Variants in CEP128 observed in about 807,000 individuals in gnomAD.
CEP128 encodes the protein centrosomal protein 128, also known as centrosomal protein 128kDa.
In CEP128, 132 loss-of-function variants were observed where a neutral mutation model predicts 156.7. The ratio of observed to expected loss-of-function variants is 0.84; its 90% CI spans 0.73 to 0.97. The LOEUF (loss-of-function observed/expected upper bound fraction) is 0.97. CEP128 is among the 50% of genes least tolerant of loss of function. CEP128 has a pLI of 0.00. For synonymous variants in CEP128, 469 were observed against 448.9 expected (o/e 1.04, Z -0.57); for missense variants, 1,252 against 1,281.9 (o/e 0.98, Z 0.36).
At chr14:80,821,887 C>T (rs1885206925) in intron 13 of CEP128, among the ~76,000 whole-genome samples, 1 of 152,032 alleles carries the variant, frequency 6.6e-6, no homozygotes. Context: ...ACTTACAGTT[C>T]CACATGGCTG....
chr14:80,732,471 GGTGTGTGTGTGTGTGTGTGTGTGT>G (rs10672093), intron 19 of CEP128, among the ~76,000 whole-genome samples: 57 of 127,726 alleles, frequency 4.5e-4, no homozygotes, highest in African/African-American at 1.6e-3. Context: ...TGATTAAGCA[GGTGTGTGTGTGTGTGTGTGTGTGT>G]GTGTGTGTGT....
chr14:80,479,958 G>A (rs1340527831), intron 14 of CEP128, among the ~76,000 whole-genome samples: 1 of 152,206 alleles, frequency 6.6e-6, no homozygotes, highest in Admixed American at 6.5e-5. Flanking sequence ...TTTGACTCCA[G>A]GTCTCACATC....
intron 13 of CEP128, among the ~76,000 whole-genome samples, chr14:80,810,213 C>T (rs916737719): frequency 1.3e-5 from 2 of 149,504 alleles, no homozygotes; most frequent in African/African-American, 4.9e-5. Context: ...GTCCCAACCA[C>T]TCGGGAGGCT....
chr14:80,753,178 T>C lies in CEP128; in HGVS notation c.2613+3714A>G, dbSNP rs558275823. Among the ~76,000 whole-genome samples, 3 of 152,270 alleles carry C rather than the reference T, an allele frequency of 2.0e-5. No individual in the cohort carries two copies. The South Asian group carries it at 6.2e-4, about 32-fold the overall frequency. ...AATATAATTACTCTTTCAAAAAATA[T>C]TTATTGAACATTTAGCCAGGCATTG... On this transcript the variant is annotated intron_variant, in intron 18 of 24. Coordinates refer to ENST00000555265, the MANE Select transcript of CEP128 (RefSeq NM_152446.5).
chr14:80,514,628 T>C (rs761985633), intron 23 of CEP128: 3 of 353,218 alleles, frequency 8.5e-6, no homozygotes, highest in South Asian at 2.2e-5. Flanking sequence ...ATTCCTTCTC[T>C]GTGTTATCTT....
intron 13 of CEP128, among the ~76,000 whole-genome samples, chr14:80,819,135 GCATGGT>G (rs1292925921): frequency 6.6e-6 from 1 of 151,762 alleles, no homozygotes; most frequent in Non-Finnish European, 1.5e-5. Flanking sequence ...ATACTATCTT[GCATGGT>G]CAGATTCTGG....
intron 17 of CEP128, among the ~76,000 whole-genome samples, chr14:80,757,512 C>T (rs975547686): frequency 6.6e-6 from 1 of 152,328 alleles, no homozygotes; most frequent in African/African-American, 2.4e-5. Flanking sequence ...ACTTCCTTCA[C>T]GCCAACTCAT....
chr14:80,790,173 C>T (rs977456646), intron 14 of CEP128, among the ~76,000 whole-genome samples: 3 of 151,598 alleles, frequency 2.0e-5, no homozygotes, highest in Non-Finnish European at 4.4e-5. Context: ...AAGCAAAAAG[C>T]TCAATACATA....
intron 19 of CEP128, among the ~76,000 whole-genome samples, chr14:80,733,908 TG>T (rs1215411600): frequency 6.6e-6 from 1 of 152,204 alleles, no homozygotes; most frequent in Non-Finnish European, 1.5e-5. Context: ...AAATTCAGTC[TG>T]TTAGAGGACA....
rs142102441 is a variant in CEP128, at chr14:80,510,004, C to T, written c.3073-4984G>A. On this transcript the variant is annotated intron_variant, in intron 23 of 24. Coordinates refer to ENST00000555265, the MANE Select transcript of CEP128 (RefSeq NM_152446.5). ...TATGTGTCTGTTTTTATGCCAGCAA[C>T]ATGCTCTTTTGGTTACTATAGCTCT... Among the ~76,000 whole-genome samples, 1,285 of 152,272 alleles carry T rather than the reference C, an allele frequency of 8.4e-3. 3 individuals are homozygous for T. Among genetic ancestry groups the T allele is most frequent in the Non-Finnish European group, 0.014 (937 of 68,014 alleles).
intron 19 of CEP128, among the ~76,000 whole-genome samples, chr14:80,595,118 T>C (rs185005212): frequency 2.2e-4 from 34 of 152,270 alleles, no homozygotes; most frequent in African/African-American, 7.7e-4. Context: ...ATGTGGCACA[T>C]ACACACATGG....
intron 13 of CEP128, among the ~76,000 whole-genome samples, chr14:80,804,614 A>G (rs550409783): frequency 1.3e-5 from 2 of 152,268 alleles, no homozygotes; most frequent in African/African-American, 4.8e-5. Context: ...TACAAATACC[A>G]CAGTGAGAAA....
At chr14:80,844,500 C>T (rs1886502476) in intron 9 of CEP128, among the ~76,000 whole-genome samples, 1 of 152,054 alleles carries the variant, frequency 6.6e-6, no homozygotes, top group Admixed American at 6.6e-5. Context: ...ATTCAAAAAA[C>T]TTGGTATGAA....
At chr14:80,891,231 A>G (rs1889082659) in intron 8 of CEP128, among the ~76,000 whole-genome samples, 1 of 152,156 alleles carries the variant, frequency 6.6e-6, no homozygotes, top group Non-Finnish European at 1.5e-5. Flanking sequence ...GGAAGTCAGC[A>G]TATTAAAAAT....
chr14:80,695,164 G>T (rs932697843), intron 19 of CEP128, among the ~76,000 whole-genome samples: 4 of 151,438 alleles, frequency 2.6e-5, no homozygotes, highest in African/African-American at 4.9e-5. Context: ...AAAAGAAGTT[G>T]CCCATCATGG....
chr14:80,712,810 A>T (rs1897461683), intron 19 of CEP128, among the ~76,000 whole-genome samples: 1 of 152,152 alleles, frequency 6.6e-6, no homozygotes, highest in Non-Finnish European at 1.5e-5. Context: ...TAATATGGTG[A>T]AACGAGAAAT....
chr14:80,756,681 TTC>T (rs1395516391), intron 18 of CEP128, among the ~76,000 whole-genome samples: 1 of 152,178 alleles, frequency 6.6e-6, no homozygotes, highest in South Asian at 2.1e-4. Flanking sequence ...CTTTCCTTTA[TTC>T]TCTCTTTCTA....
intron 14 of CEP128, among the ~76,000 whole-genome samples, chr14:80,786,565 G>A (rs566992489): frequency 1.3e-3 from 202 of 152,242 alleles, no homozygotes; most frequent in Non-Finnish European, 2.2e-3. Flanking sequence ...GATAACATGA[G>A]AACTAACAAA....
At chr14:80,687,932 GAATT>G (rs1025849210) in intron 19 of CEP128, among the ~76,000 whole-genome samples, 2 of 151,944 alleles carry the variant, frequency 1.3e-5, no homozygotes, top group Admixed American at 1.3e-4. Context: ...TATAGTCTGG[GAATT>G]AATAACAATT....
Sources: allele counts gnomAD v4.1 joint callset (sites outside exome capture counted in the v4.1 genomes callset), GRCh38; gene constraint gnomAD v4.1.1; transcripts MANE v1.5; gene names NCBI Gene and HGNC (gene_info 2026-07-23, HGNC 2026-07-21).